BDNF: variants seen among roughly 807,000 people sequenced by gnomAD.
BDNF encodes brain derived neurotrophic factor.
Under a neutral mutation model 19.5 loss-of-function variants are expected in BDNF, and 1 was observed. The observed-to-expected ratio is 0.05, with a 90% CI of 0.02 to 0.24. BDNF has a LOEUF of 0.24. Among genes scored for constraint, BDNF ranks in the 10% least tolerant of loss-of-function variants. The probability of loss-of-function intolerance (pLI) is 1.00; values close to 1 mark genes in which losing one functional copy is unlikely to be tolerated. For synonymous variants in BDNF, 100 were observed against 121.6 expected, an observed-to-expected ratio of 0.82 and a Z score of 1.17; for missense variants, 195 against 317.6, an observed-to-expected ratio of 0.61 and a Z score of 2.93.
intron 1 of BDNF, among the ~76,000 whole-genome samples, chr11:27,690,095 C>T (rs1245442293): frequency 6.6e-6 from 1 of 152,158 alleles, no homozygotes; most frequent in Non-Finnish European, 1.5e-5. Flanking sequence ...AATGACACCA[C>T]ATTTTAATGA....
At chr11:27,720,677 G>T (rs1200081943) in intron 1 of BDNF, 1 of 985,464 alleles carries the variant, frequency 1.0e-6, no homozygotes, top group East Asian at 1.1e-4. Context: ...AAATCCGTTG[G>T]CTCTGTCCAA....
At chr11:27,697,478 G>A (rs1363614796) in intron 1 of BDNF, 1 of 152,054 alleles carries the variant, frequency 6.6e-6, no homozygotes, top group African/African-American at 2.4e-5. Context: ...TTTTTTACAG[G>A]ATTTTCCCTC....
chr11:27,719,121 C>T (rs1016379013), intron 1 of BDNF, among the ~76,000 whole-genome samples: 2 of 152,200 alleles, frequency 1.3e-5, no homozygotes, highest in African/African-American at 2.4e-5. Flanking sequence ...TCCGGCAGTT[C>T]GCTGTCCCCC....
At position 27,719,593 on chromosome 11, in the gene BDNF, C is replaced by T. The variant is rs183873737; in HGVS notation, c.3+1819G>A. 1,054 of 985,086 alleles carry T rather than the reference C, an allele frequency of 1.1e-3. 3 individuals carry two copies. The highest frequency in any genetic ancestry group is 4.1e-3 in the Admixed American group (67 of 16,242). 61.0% of individuals were successfully genotyped at this position (985,086 alleles called of 1,614,324 possible). ...CCCTTCCCTTGAGAAAGCGGGAACC[C>T]TCTAAGCCAGCGCCCGAAACTCGCG... On this transcript the variant is annotated intron_variant, in intron 1 of 1. Transcript: ENST00000314915.
chr11:27,681,329 A>C (rs765531638), intron 1 of BDNF, among the ~76,000 whole-genome samples: 1 of 152,202 alleles, frequency 6.6e-6, no homozygotes, highest in Non-Finnish European at 1.5e-5. Flanking sequence ...GACTGTCCTG[A>C]GTAGGACATT....
intron 1 of BDNF, among the ~76,000 whole-genome samples, chr11:27,682,831 C>T (rs191434739): frequency 5.4e-4 from 82 of 152,198 alleles, no homozygotes; most frequent in Non-Finnish European, 1.0e-3. Context: ...GGATTGGTTC[C>T]AAGTCTTTGC....
At chr11:27,659,111 ACAG>A in intron 1 of BDNF, 1 of 1,005,802 alleles carries the variant, frequency 9.9e-7, no homozygotes. Flanking sequence ...GCACAATAAA[ACAG>A]CAGTTGGGGA....
intron 1 of BDNF, chr11:27,720,650 G>T (rs1239116236): frequency 1.0e-6 from 1 of 985,444 alleles, no homozygotes; most frequent in Non-Finnish European, 1.2e-6. Flanking sequence ...CTACCTGGGG[G>T]TACCGCCACC....
intron 1 of BDNF, among the ~76,000 whole-genome samples, chr11:27,673,181 A>T (rs1855624238): frequency 6.7e-6 from 1 of 150,038 alleles, no homozygotes; most frequent in African/African-American, 2.5e-5. Context: ...CTAATAGGAG[A>T]TGTTGTGAAA....
chr11:27,657,709 A>G lies in BDNF; in HGVS notation c.*112T>C. 13 of 1,523,372 alleles carry G rather than the reference A, an allele frequency of 8.5e-6. No individual in the cohort carries two copies. The highest frequency in any genetic ancestry group is 9.6e-6 in the Non-Finnish European group (11 of 1,143,986). The allele number at this position is 1,523,372 out of a possible 1,614,324, so 94.4% of individuals were successfully genotyped here. On this transcript the variant is annotated 3_prime_UTR_variant, in exon 2 of 2. Transcript: ENST00000356660. This position sits in a 1 kb window ranked among gnomAD's most constrained non-coding sequence, Gnocchi z 5.0. ...TGTACTGTATAAACTTCATTTATAC[A>G]TGCAGTTCATAAAATTATTTTTTTC...
intron 1 of BDNF, among the ~76,000 whole-genome samples, chr11:27,712,923 C>G (rs1356137479): frequency 7.7e-6 from 1 of 129,436 alleles, no homozygotes; most frequent in East Asian, 2.5e-4. Flanking sequence ...TTCTTTCTTT[C>G]TTTCTTTTTT....
chr11:27,689,503 G>T (rs991870244), intron 1 of BDNF, among the ~76,000 whole-genome samples: 2 of 152,126 alleles, frequency 1.3e-5, no homozygotes, highest in Non-Finnish European at 2.9e-5. Flanking sequence ...GTGAAATCAC[G>T]TAGGAATCGT....
rs766077652 is a variant in BDNF at position 27,657,907 on chromosome 11, T to C, written c.658A>G (p.Met220Val). 14 of 1,614,176 alleles carry C rather than the reference T, an allele frequency of 8.7e-6. No individual in the cohort carries two copies. In the South Asian group the frequency reaches 1.2e-4, roughly 14 times the overall value. ...CAGCCAATTCTCTTTTTGCTATCCATGGTAAGGGCCCGCACGTACGACTGG... is the reference window on the plus strand; with the variant it reads ...CAGCCAATTCTCTTTTTGCTATCCACGGTAAGGGCCCGCACGTACGACTGG... Reference protein sequence around the residue: ...TTQSYVRALTMDSKKRIGWRF... With the variant: ...TTQSYVRALTVDSKKRIGWRF... Residue 220 changes from methionine (M) to valine (V), a missense_variant, in exon 2 of 2, where the codon ATG (methionine) becomes GTG (valine). Coordinates refer to ENST00000356660, the MANE Select transcript of BDNF (RefSeq NM_001709.5). This position sits in a 1 kb window ranked among gnomAD's most constrained non-coding sequence, Gnocchi z 5.0.
At chr11:27,688,672 T>C (rs1286360942) in intron 1 of BDNF, among the ~76,000 whole-genome samples, 1 of 152,158 alleles carries the variant, frequency 6.6e-6, no homozygotes, top group Non-Finnish European at 1.5e-5. Flanking sequence ...GGAGTTCCCC[T>C]GACCCCTTGC....
chr11:27,695,597 T>C (rs1434136834), intron 1 of BDNF, among the ~76,000 whole-genome samples: 1 of 152,160 alleles, frequency 6.6e-6, no homozygotes, highest in Admixed American at 6.6e-5. Context: ...CAATGAAAAG[T>C]TCTTTCAAGT....
At chr11:27,720,273 C>T (rs1271513225) in intron 1 of BDNF, 5 of 955,584 alleles carry the variant, frequency 5.2e-6, no homozygotes, top group Non-Finnish European at 6.2e-6. Flanking sequence ...CTCCACCACG[C>T]GTCCTCTCCG....
chr11:27,685,705 G>A (rs1056922736), intron 1 of BDNF, among the ~76,000 whole-genome samples: 1 of 152,112 alleles, frequency 6.6e-6, no homozygotes, highest in African/African-American at 2.4e-5. Context: ...GTAGTTGTAT[G>A]GTTTTGAGTT....
upstream of BDNF, among the ~76,000 whole-genome samples, chr11:27,704,346 T>C (rs1417529976): frequency 1.3e-5 from 2 of 152,216 alleles, no homozygotes; most frequent in African/African-American, 4.8e-5. Context: ...AGGAAGAAAT[T>C]TGAATTCCCA....
chr11:27,699,810 T>G lies in BDNF; in HGVS notation c.-22+354A>C. 3 of 870,682 alleles carry G rather than the reference T, an allele frequency of 3.4e-6. No individual in the cohort carries two copies. In the South Asian group the frequency reaches 7.9e-5, roughly 23 times the overall value. 53.9% of individuals were successfully genotyped at this position (870,682 alleles called of 1,614,324 possible). A position where few individuals can be genotyped will look rare whatever the true frequency, so the allele number is the denominator to read the frequency against. The stretch of plus-strand genomic sequence containing the variant: ...CCCCTCAGTCAGGACCCTCGACAGC[T>G]CTGGCCCCCTAAGTCTCTCTCGACT... On this transcript the variant is annotated intron_variant, in intron 1 of 1. Transcript: ENST00000356660.
Sources: allele counts gnomAD v4.1 joint callset (sites outside exome capture counted in the v4.1 genomes callset), GRCh38; gene constraint gnomAD v4.1.1; non-coding constraint Gnocchi (gnomAD v3.1); transcripts MANE v1.5; gene names NCBI Gene and HGNC (gene_info 2026-07-23, HGNC 2026-07-21).